Variants in BCAS1 observed in about 807,000 individuals in gnomAD.
The protein encoded by BCAS1 is breast carcinoma-amplified sequence 1.
In BCAS1, 46 loss-of-function variants were observed where a neutral mutation model predicts 65.4. The ratio of observed to expected loss-of-function variants is 0.70; its 90% CI spans 0.55 to 0.90. BCAS1 has a LOEUF of 0.90. BCAS1 is among the 40% of genes least tolerant of loss of function. The pLI, the probability that BCAS1 is intolerant of heterozygous loss-of-function variation, is 0.00. For missense variants in BCAS1, 793 were observed against 771.2 expected (o/e 1.03, Z -0.33); for synonymous variants, 298 against 293.5 (o/e 1.02, Z -0.16).
At chr20:54,045,009 G>A (rs1349527134) in intron 3 of BCAS1, among the ~76,000 whole-genome samples, 1 of 151,952 alleles carries the variant, frequency 6.6e-6, no homozygotes, top group African/African-American at 2.4e-5. Flanking sequence ...CCAGGAGTTT[G>A]AGACCAGCCT....
intron 3 of BCAS1, among the ~76,000 whole-genome samples, chr20:54,045,009 G>C (rs1349527134): frequency 2.6e-5 from 4 of 151,952 alleles, no homozygotes; most frequent in Non-Finnish European, 5.9e-5. Flanking sequence ...CCAGGAGTTT[G>C]AGACCAGCCT....
intron 3 of BCAS1, among the ~76,000 whole-genome samples, chr20:54,047,712 G>C (rs896774439): frequency 3.0e-5 from 4 of 135,288 alleles, no homozygotes; most frequent in East Asian, 4.2e-4. Flanking sequence ...TTGGTGTTTT[G>C]AACAAAAAAA....
chr20:53,998,256 A>G (rs2090969549), intron 4 of BCAS1, among the ~76,000 whole-genome samples: 1 of 152,188 alleles, frequency 6.6e-6, no homozygotes, highest in Non-Finnish European at 1.5e-5. Context: ...AATTCAACTC[A>G]TTTTAATGGA....
intron 9 of BCAS1, among the ~76,000 whole-genome samples, chr20:53,970,107 CCT>C (rs149845076): frequency 0.052 from 7,867 of 152,144 alleles, 616 homozygotes; most frequent in African/African-American, 0.18. Flanking sequence ...TGTGCAAAGA[CCT>C]GGAGGAAAAA....
chr20:54,034,414 T>A (rs6127064), intron 3 of BCAS1, among the ~76,000 whole-genome samples: 6,809 of 151,458 alleles, frequency 0.045, 515 homozygotes, highest in East Asian at 0.22. Flanking sequence ...CTTCTTAAGC[T>A]GATAAACAAC....
Position 54,007,457 on chromosome 20 carries a change from C to G in BCAS1, c.724-11407G>C, listed in dbSNP as rs1323986235. Among the ~76,000 whole-genome samples, 3 of 152,320 alleles carry G rather than the reference C, an allele frequency of 2.0e-5. No individual in the cohort carries two copies. In the East Asian group the frequency reaches 5.8e-4, roughly 29 times the overall value. ...ACCTGGAGAAAGAACCCTACTGGAG[C>G]AGACACAGTTCAAAAGAACTCCAGG... On this transcript the variant is annotated intron_variant, in intron 4 of 12. Transcript: ENST00000688948.
chr20:54,029,144 T>A (rs2091747539), intron 3 of BCAS1, 172 bp from the exon 4 acceptor site: 1 of 985,278 alleles, frequency 1.0e-6, no homozygotes, highest in Admixed American at 6.2e-5. Flanking sequence ...TGGACCCTGC[T>A]TTTCTTGGGA....
intron 1 of BCAS1, among the ~76,000 whole-genome samples, chr20:54,061,271 C>G (rs1479239605): frequency 5.3e-5 from 8 of 152,186 alleles, no homozygotes. Context: ...TTACTAGCTT[C>G]CCTTAAAAAG....
intron 3 of BCAS1, among the ~76,000 whole-genome samples, chr20:54,051,691 G>A (rs1241173815): frequency 6.6e-6 from 1 of 151,508 alleles, no homozygotes. Context: ...TTTAGTTGAT[G>A]TGAGCTGCTT....
chr20:54,014,117 C>T (rs1201156545), intron 4 of BCAS1, among the ~76,000 whole-genome samples: 1 of 152,218 alleles, frequency 6.6e-6, no homozygotes, highest in African/African-American at 2.4e-5. Context: ...CAGTGTGTGG[C>T]CTGTGCTTTA....
At chr20:54,069,628 C>T (rs17287759) in intron 1 of BCAS1, among the ~76,000 whole-genome samples, 1,572 of 152,238 alleles carry the variant, frequency 0.01, 12 homozygotes, top group Non-Finnish European at 0.013. Flanking sequence ...ATGGTAACAG[C>T]GAAAACAAGA....
intron 7 of BCAS1, among the ~76,000 whole-genome samples, chr20:53,988,636 T>A (rs2145798102): frequency 6.6e-6 from 1 of 152,344 alleles, no homozygotes; most frequent in East Asian, 1.9e-4. Context: ...CAAACTCTTA[T>A]CCTTTCTTTG....
intron 9 of BCAS1, among the ~76,000 whole-genome samples, chr20:53,974,884 T>C (rs115267682): frequency 1.9e-4 from 29 of 152,334 alleles, no homozygotes; most frequent in African/African-American, 6.0e-4. Context: ...TCAACGTCTC[T>C]ATCTCAGAGG....
intron 3 of BCAS1, among the ~76,000 whole-genome samples, chr20:54,054,708 G>T (rs1484275173): frequency 6.6e-6 from 1 of 152,204 alleles, no homozygotes; most frequent in South Asian, 2.1e-4. Context: ...ACTGCCAGGT[G>T]TGAGGGCGAG....
At chr20:53,945,830 T>C (rs2089296355) in intron 12 of BCAS1, among the ~76,000 whole-genome samples, 2 of 152,178 alleles carry the variant, frequency 1.3e-5, no homozygotes. Flanking sequence ...TGAAGTACAG[T>C]GGTGGGACTA....
At chr20:54,041,032 G>T (rs145215921) in intron 3 of BCAS1, among the ~76,000 whole-genome samples, 1 of 151,506 alleles carries the variant, frequency 6.6e-6, no homozygotes, top group Admixed American at 6.6e-5. Context: ...GTTATATCAT[G>T]CTTTATACTT....
chr20:53,998,848 A>T (rs996017180), intron 4 of BCAS1, among the ~76,000 whole-genome samples: 2 of 152,160 alleles, frequency 1.3e-5, no homozygotes, highest in South Asian at 2.1e-4. Flanking sequence ...CATGCAAACC[A>T]CTATACAAAT....
rs2089256183 is a variant in BCAS1 at position 53,944,862 on chromosome 20, T to C, written c.*60A>G. Reference sequence around the variant, plus strand: ...ACATGGAGCGTGTTTGGGGAGGAGATGGAGTAAGGAGAACACATCTTGGTG... The same window carrying C: ...ACATGGAGCGTGTTTGGGGAGGAGACGGAGTAAGGAGAACACATCTTGGTG... On this transcript the variant is annotated 3_prime_UTR_variant, in exon 13 of 13. Coordinates refer to ENST00000688948, the MANE Select transcript of BCAS1 (RefSeq NM_001366298.2). 5.5e-6 allele frequency: 8 copies of C among 1,457,154 alleles called. No homozygotes were observed. The highest frequency in any genetic ancestry group is 3.4e-5 in the South Asian group (3 of 87,696). The allele number at this position is 1,457,154 out of a possible 1,614,324, so 90.3% of individuals were successfully genotyped here.
intron 8 of BCAS1, among the ~76,000 whole-genome samples, chr20:53,982,889 C>A (rs1262387703): frequency 2.0e-5 from 3 of 152,076 alleles, no homozygotes; most frequent in Non-Finnish European, 4.4e-5. Context: ...AAAGTAATTA[C>A]AATATTGTTG....
Sources: gnomAD v4.1 joint callset for allele counts (sites outside exome capture counted in the v4.1 genomes callset) on GRCh38, gnomAD v4.1.1 for gene constraint, MANE v1.5 for transcripts, NCBI Gene and HGNC (gene_info 2026-07-23, HGNC 2026-07-21) for gene names.